ROS1: variants seen among roughly 807,000 people sequenced by gnomAD.
The protein encoded by ROS1 is proto-oncogene tyrosine-protein kinase ROS.
In ROS1, 263 loss-of-function variants were observed where a neutral mutation model predicts 273.5. The observed-to-expected ratio is 0.96, with a 90% CI of 0.87 to 1.06. ROS1 has a LOEUF of 1.06. Ranked by LOEUF, ROS1 falls within the 50% of genes least tolerant of loss-of-function variation. ROS1 has a pLI of 0.00. For missense variants in ROS1, 2,833 were observed against 2,751.1 expected (o/e 1.03, Z -0.67); for synonymous variants, 1,008 against 954.1 (o/e 1.06, Z -1.04).
chr6:117,335,329 T>C (rs1295251169), intron 32 of ROS1, among the ~76,000 whole-genome samples: 1 of 152,148 alleles, frequency 6.6e-6, no homozygotes, highest in Non-Finnish European at 1.5e-5. Context: ...TATTAAAAAG[T>C]CAGGAAACAA....
rs539612571 is a variant in ROS1, at chr6:117,287,901, G to A, written c.*591C>T. On this transcript the variant is annotated 3_prime_UTR_variant, in exon 44 of 44. Coordinates refer to ENST00000368507, the MANE Select transcript of ROS1 (RefSeq NM_001378902.1). ...CCATTGAACTCCAGCCTGGGCAACA[G>A]AGCAAGACTTCGTCTCAAAAAAAAA... Among the ~76,000 whole-genome samples the A allele has an allele frequency of 1.5e-5, 2 of 137,248 alleles. No individual in the cohort carries two copies. Among genetic ancestry groups the A allele is most frequent in the Non-Finnish European group, 3.0e-5 (2 of 65,580 alleles). The allele number at this position is 137,248 out of a possible 152,430, so 90.0% of individuals were successfully genotyped here.
chr6:117,397,709 T>G (rs1773611473), intron 7 of ROS1, among the ~76,000 whole-genome samples: 1 of 152,198 alleles, frequency 6.6e-6, no homozygotes, highest in Admixed American at 6.5e-5. Context: ...TCAGCACCCC[T>G]GCCCTGGCAA....
rs1777918340 is a variant in ROS1 at position 117,341,466 on chromosome 6, T to C, written c.4818A>G (p.Glu1606=). 6.2e-7 allele frequency: 1 copy of C among 1,613,796 alleles called. No individual in the cohort carries two copies. Among genetic ancestry groups the C allele is most frequent in the African/African-American group, 1.3e-5 (1 of 74,914 alleles). Residue 1606 remains glutamate, a synonymous_variant, in exon 30 of 44, where the codon GAA becomes GAG. Coordinates refer to ENST00000368507, the MANE Select transcript of ROS1 (RefSeq NM_001378902.1). The part of the protein sequence containing the change: ...LIPETPLRQS[E]FPNGRLTLLV... ...GGAGAGTGAGCCTTCCATTTGGAAA[T>C]TCACTTTGTCTTAGAGGAGTTTCAG...
intron 31 of ROS1, among the ~76,000 whole-genome samples, chr6:117,338,191 G>A (rs1777617220): frequency 6.6e-6 from 1 of 152,026 alleles, no homozygotes; most frequent in Admixed American, 6.6e-5. Context: ...AAAAAGGTCA[G>A]TTTCCATAAA....
chr6:117,400,631 C>T (rs895212636), intron 7 of ROS1, among the ~76,000 whole-genome samples: 9 of 152,184 alleles, frequency 5.9e-5, no homozygotes, highest in African/African-American at 1.9e-4. Flanking sequence ...ACTCAATCAC[C>T]TTCATTTATG....
At chr6:117,338,783 G>C (rs544878777) in intron 31 of ROS1, among the ~76,000 whole-genome samples, 11 of 152,186 alleles carry the variant, frequency 7.2e-5, no homozygotes, top group Admixed American at 3.3e-4. Flanking sequence ...GGATATCCCA[G>C]TAAATCACAA....
chr6:117,330,428 T>C (rs949609572), intron 32 of ROS1, among the ~76,000 whole-genome samples: 5 of 152,194 alleles, frequency 3.3e-5, no homozygotes, highest in Admixed American at 6.5e-5. Context: ...CCCAGACAAG[T>C]GGGCTTTCCC....
In ROS1 at chr6:117,299,095, G is replaced by T. The variant is rs118087675; in HGVS notation, c.6715+1879C>A. 5.1e-3 allele frequency among the ~76,000 whole-genome samples: 779 copies of T among 152,268 alleles called. 4 individuals carry two copies. Among genetic ancestry groups the T allele is most frequent in the Middle Eastern group, 0.017 (5 of 294 alleles). On this transcript the variant is annotated intron_variant, in intron 43 of 43. Transcript: ENST00000368507. ...GCATTCTAAGAATCAGCTCTGTCCA[G>T]GATGATAGTGAGTAGAAACAATGTG... is the stretch of plus-strand genomic sequence containing the variant.
chr6:117,331,971 G>T (rs1288639585), intron 32 of ROS1, among the ~76,000 whole-genome samples: 2 of 152,154 alleles, frequency 1.3e-5, no homozygotes. Flanking sequence ...ATGGTGACAG[G>T]ATCAAACTCA....
In ROS1 at chr6:117,310,074, A is replaced by C. The variant is rs754613413; in HGVS notation, c.6416+7T>G. 6.2e-7 allele frequency: 1 copy of C among 1,610,644 alleles called. No individual in the cohort carries two copies. The highest frequency in any genetic ancestry group is 8.5e-7 in the Non-Finnish European group (1 of 1,177,194). ...GTCAGCATTACTCTGTGTCCCGTTA[A>C]ACTTACCATACATCAGATTGAGTAG... On this transcript the variant is annotated splice_region_variant and intron_variant, in intron 41 of 43. Transcript: ENST00000368507.
Position 117,326,258 on chromosome 6 carries a change from A to G in ROS1, c.5505T>C (p.Tyr1835=), listed in dbSNP as rs377348361. Residue 1835 remains tyrosine (Y), a synonymous_variant, in exon 34 of 44, where the codon TAT becomes TAC. Transcript: ENST00000368507. ...VAANNLGFGE[Y]SGISENIILV... ...ATATAATATTCTCACTGATTCCACT[A>G]TATTCACCAAACCCTAGATTATTTG... 83 of 1,602,856 alleles carry G rather than the reference A, an allele frequency of 5.2e-5. No individual in the cohort carries two copies. Among genetic ancestry groups the G allele is most frequent in the Non-Finnish European group, 6.8e-5 (80 of 1,176,644 alleles).
At chr6:117,323,365 C>T (rs1776414353) in intron 35 of ROS1, among the ~76,000 whole-genome samples, 1 of 152,100 alleles carries the variant, frequency 6.6e-6, no homozygotes, top group African/African-American at 2.4e-5. Flanking sequence ...GAGAGTTCAA[C>T]TTTATGTTTG....
chr6:117,308,978 G>A (rs1420045273), intron 41 of ROS1, 50 bp from the exon 42 acceptor site: 2 of 1,553,842 alleles, frequency 1.3e-6, no homozygotes, highest in East Asian at 4.5e-5. Flanking sequence ...CAAACACCAG[G>A]TTTACAGTAG....
At chr6:117,365,862 T>C in intron 19 of ROS1, 121 bp from the exon 20 acceptor site, 6 of 960,426 alleles carry the variant, frequency 6.2e-6, no homozygotes, top group Non-Finnish European at 9.1e-6. Context: ...ATTTTTCTTT[T>C]CTTTAACATA....
Position 117,365,183 on chromosome 6 carries a change from AGTGTT to A in ROS1, c.2975_2979del (p.Gln992LeufsTer17), listed in dbSNP as rs1562319683. On this transcript the variant is annotated frameshift_variant, in exon 21 of 44. Transcript: ENST00000368507. LOFTEE classifies it high-confidence loss of function. ...CCTTCCACAGTAAATACAGGTAAAGAGTGTTGTTCACTAGCCAAGAACTAAAATAT... is the reference window on the plus strand; with the variant it reads ...CCTTCCACAGTAAATACAGGTAAAGAGTTCACTAGCCAAGAACTAAAATAT... 6.2e-7 allele frequency: 1 copy of A among 1,606,022 alleles called. No individual in the cohort carries two copies. Among genetic ancestry groups the A allele is most frequent in the Non-Finnish European group, 8.5e-7 (1 of 1,176,686 alleles).
chr6:117,295,387 A>C (rs187022342), intron 43 of ROS1, among the ~76,000 whole-genome samples: 1 of 152,212 alleles, frequency 6.6e-6, no homozygotes, highest in African/African-American at 2.4e-5. Context: ...TGAAACTACT[A>C]CAAGAAAATA....
At chr6:117,292,502 A>C (rs1180153890) in intron 43 of ROS1, among the ~76,000 whole-genome samples, 1 of 151,866 alleles carries the variant, frequency 6.6e-6, no homozygotes, top group Non-Finnish European at 1.5e-5. Flanking sequence ...CCCCATGTCC[A>C]CCATCTTTGT....
chr6:117,352,708 T>C (rs1235790886), intron 27 of ROS1, among the ~76,000 whole-genome samples: 2 of 152,088 alleles, frequency 1.3e-5, no homozygotes, highest in African/African-American at 4.8e-5. Flanking sequence ...AGAGAAATTA[T>C]GGGACTGAGA....
At position 117,310,137 on chromosome 6, in the gene ROS1, C is replaced by G. The variant is rs1018655426; in HGVS notation, c.6360G>C (p.Arg2120=). ...RKRGEGLLPV[R]WMAPESLMDG... is the part of the protein sequence containing the mutation. ...CCATCAAACTTTCTGGAGCCATCCACCGAACTGGGAGCAGGCCTTCCCCTC... is the reference window on the plus strand; with the variant it reads ...CCATCAAACTTTCTGGAGCCATCCAGCGAACTGGGAGCAGGCCTTCCCCTC... Residue 2120 remains arginine, a synonymous_variant, in exon 41 of 44, where the codon CGG becomes CGC. Transcript: ENST00000368507. The G allele has an allele frequency of 6.2e-7, 1 of 1,613,490 alleles. No homozygotes were observed. Among genetic ancestry groups the G allele is most frequent in the South Asian group, 1.1e-5 (1 of 91,062 alleles).
Sources: allele counts gnomAD v4.1 joint callset (sites outside exome capture counted in the v4.1 genomes callset), GRCh38; gene constraint gnomAD v4.1.1; transcripts MANE v1.5; gene names NCBI Gene and HGNC (gene_info 2026-07-23, HGNC 2026-07-21).